Variants in RBFOX1 observed in about 807,000 individuals in gnomAD.
The protein encoded by RBFOX1 is RNA binding fox-1 homolog 1, also known as RNA binding protein fox-1 homolog 1.
In RBFOX1, 8 loss-of-function variants were observed where a neutral mutation model predicts 57.7. The observed-to-expected ratio is 0.14, with a 90% CI of 0.08 to 0.25. The LOEUF (loss-of-function observed/expected upper bound fraction) is 0.25, where lower values mean the gene tolerates loss of function less well. Among genes scored for constraint, RBFOX1 ranks in the 10% least tolerant of loss-of-function variants. RBFOX1 has a pLI of 1.00. For synonymous variants in RBFOX1, 326 were observed against 222.4 expected (o/e 1.47, Z -4.15); for missense variants, 611 against 548.5 (o/e 1.11, Z -1.14).
chr16:6,812,035 AAG>A (rs1374809058), intron 3 of RBFOX1, among the ~76,000 whole-genome samples: 7 of 152,218 alleles, frequency 4.6e-5, no homozygotes, highest in African/African-American at 1.7e-4. Context: ...AGTGCAGTAC[AAG>A]AGTGTTGGTT....
chr16:7,416,595 C>T (rs2149249058), intron 4 of RBFOX1, among the ~76,000 whole-genome samples: 1 of 152,252 alleles, frequency 6.6e-6, no homozygotes, highest in East Asian at 1.9e-4. Context: ...GCCTTCTTGT[C>T]TTCATGGATA....
intron 3 of RBFOX1, among the ~76,000 whole-genome samples, chr16:6,969,615 A>G (rs900122217): frequency 3.9e-5 from 6 of 152,120 alleles, no homozygotes; most frequent in African/African-American, 1.2e-4. Flanking sequence ...ATTATGGTGC[A>G]TGCCTGTAGT....
At chr16:5,876,704 A>G (rs1362920330) in intron 4 of RBFOX1, among the ~76,000 whole-genome samples, 1 of 152,162 alleles carries the variant, frequency 6.6e-6, no homozygotes, top group Non-Finnish European at 1.5e-5. Context: ...CCATAGCATT[A>G]TACATTCCAA....
At chr16:7,432,853 A>C (rs1343657444) in intron 4 of RBFOX1, among the ~76,000 whole-genome samples, 1 of 152,090 alleles carries the variant, frequency 6.6e-6, no homozygotes, top group African/African-American at 2.4e-5. Flanking sequence ...GTGAATTTGC[A>C]TTCATGGTCA....
At position 6,827,981 on chromosome 16, in the gene RBFOX1, C is replaced by A. The variant is rs535366811; in HGVS notation, c.-16+173331C>A. Among the ~76,000 whole-genome samples the A allele has an allele frequency of 8.5e-5, 13 of 152,324 alleles. No homozygotes were observed. In the South Asian group the frequency reaches 2.7e-3, roughly 32 times the overall value. ...ACTCTATGCTCTGTAGGGGACAAAT[C>A]TTGTCTGCTTTTTGCTCATCAATTT... On this transcript the variant is annotated intron_variant, in intron 3 of 15. Transcript: ENST00000550418.
chr16:6,155,898 C>T (rs536105697), intron 1 of RBFOX1, among the ~76,000 whole-genome samples: 73 of 152,310 alleles, frequency 4.8e-4, no homozygotes, highest in African/African-American at 1.6e-3. Context: ...AAGATGGTAT[C>T]AGCATCTGAC....
chr16:6,288,154 T>C (rs185551421), intron 1 of RBFOX1, among the ~76,000 whole-genome samples: 37 of 152,298 alleles, frequency 2.4e-4, no homozygotes, highest in Admixed American at 2.1e-3. Context: ...GTAAAATTAC[T>C]GTGTCTTAAT....
chr16:6,827,946 T>C (rs2092352888), intron 3 of RBFOX1, among the ~76,000 whole-genome samples: 3 of 152,234 alleles, frequency 2.0e-5, no homozygotes, highest in African/African-American at 7.2e-5. Flanking sequence ...ATGCCTGTTG[T>C]TTCCACTAGA....
At chr16:7,295,365 AAGG>A (rs932363071) in intron 4 of RBFOX1, among the ~76,000 whole-genome samples, 9 of 152,276 alleles carry the variant, frequency 5.9e-5, no homozygotes, top group Middle Eastern at 3.4e-3. Context: ...TTTTGCAAAG[AAGG>A]AGGAATGATG....
chr16:5,817,040 C>A (rs1056868297), intron 3 of RBFOX1, among the ~76,000 whole-genome samples: 1 of 152,200 alleles, frequency 6.6e-6, no homozygotes, highest in African/African-American at 2.4e-5. Context: ...GATCCACCCA[C>A]CTCCAGTAAA....
In RBFOX1 at chr16:5,947,193, G is replaced by A. The variant is rs1201485729; in HGVS notation, c.351+79858G>A. 6.6e-6 allele frequency among the ~76,000 whole-genome samples: 1 copy of A among 152,164 alleles called. No homozygotes were observed. The highest frequency in any genetic ancestry group is 1.5e-5 in the Non-Finnish European group (1 of 68,026). On this transcript the variant is annotated intron_variant, in intron 4 of 19. Transcript: ENST00000641259. The surrounding 1 kb of genome is among the most constrained non-coding windows in gnomAD (Gnocchi z 7.2). Reference sequence around the variant, plus strand: ...ATTCTGCCACTGCTCTCCAGCCTGGGTGGCAGAGTGAGACTCTGTCTCTAA... The same window carrying A: ...ATTCTGCCACTGCTCTCCAGCCTGGATGGCAGAGTGAGACTCTGTCTCTAA...
chr16:6,036,739 G>A (rs2095370394), intron 1 of RBFOX1, among the ~76,000 whole-genome samples: 1 of 152,142 alleles, frequency 6.6e-6, no homozygotes, highest in Non-Finnish European at 1.5e-5. Context: ...TAACTTAGAT[G>A]GGAGGCACCA....
At chr16:5,617,883 A>C (rs2048084542) in intron 3 of RBFOX1, among the ~76,000 whole-genome samples, 1 of 152,176 alleles carries the variant, frequency 6.6e-6, no homozygotes, top group Admixed American at 6.5e-5. Flanking sequence ...TATCTGTGAC[A>C]TTATGAAAGG....
chr16:7,706,292 A>G (rs890498100), intron 14 of RBFOX1, among the ~76,000 whole-genome samples: 3 of 152,200 alleles, frequency 2.0e-5, no homozygotes, highest in African/African-American at 7.2e-5. Context: ...AAACCATTGG[A>G]TTCTGAAGGT....
intron 2 of RBFOX1, among the ~76,000 whole-genome samples, chr16:6,639,057 A>T (rs974058612): frequency 2.0e-5 from 3 of 152,204 alleles, no homozygotes; most frequent in South Asian, 4.1e-4. Context: ...GCCACCTACA[A>T]AGCTTAGCCA....
At chr16:6,024,928 C>G (rs1007445769) in intron 1 of RBFOX1, among the ~76,000 whole-genome samples, 4 of 152,198 alleles carry the variant, frequency 2.6e-5, no homozygotes, top group African/African-American at 9.7e-5. Context: ...GGATAGTTGT[C>G]TGCATGGAGG....
rs575255286 is a variant in RBFOX1 at position 7,083,532 on chromosome 16, C to T, written c.27+31434C>T. Among the ~76,000 whole-genome samples, 18 of 152,238 alleles carry T rather than the reference C, an allele frequency of 1.2e-4. No individual in the cohort carries two copies. In the East Asian group the frequency reaches 3.3e-3, roughly 28 times the overall value. On this transcript the variant is annotated intron_variant, in intron 4 of 15. Coordinates refer to ENST00000550418, the MANE Select transcript of RBFOX1 (RefSeq NM_018723.4). ...CATGAAGTATAGCCTGTGTACACCC[C>T]TCACCGTGGATCAAATGGGTTTCTT... is the stretch of plus-strand genomic sequence containing the variant.
intron 3 of RBFOX1, among the ~76,000 whole-genome samples, chr16:6,689,767 C>T (rs954329992): frequency 2.0e-5 from 3 of 152,196 alleles, no homozygotes; most frequent in African/African-American, 7.2e-5. Flanking sequence ...GAGAGCCCAG[C>T]TGTTTTGTTT....
At chr16:6,679,050 C>T (rs1019692674) in intron 3 of RBFOX1, among the ~76,000 whole-genome samples, 6 of 152,078 alleles carry the variant, frequency 3.9e-5, no homozygotes, top group Admixed American at 2.6e-4. Context: ...ATATCTCTAA[C>T]ACCTCTCTAA....
Sources: allele counts gnomAD v4.1 joint callset (sites outside exome capture counted in the v4.1 genomes callset), GRCh38; gene constraint gnomAD v4.1.1; non-coding constraint Gnocchi (gnomAD v3.1); transcripts MANE v1.5; gene names NCBI Gene and HGNC (gene_info 2026-07-23, HGNC 2026-07-21).